Variants in IMMP2L observed in about 807,000 individuals in gnomAD.
IMMP2L encodes the protein mitochondrial inner membrane protease subunit 2.
Under a neutral mutation model 19.3 loss-of-function variants are expected in IMMP2L, and 18 were observed. The ratio of observed to expected loss-of-function variants is 0.93; its 90% CI spans 0.64 to 1.38. The LOEUF is 1.38. IMMP2L is among the 40% of genes most tolerant of loss of function. IMMP2L has a pLI of 0.00. For synonymous variants in IMMP2L, 76 were observed against 73.0 expected (o/e 1.04, Z -0.21); for missense variants, 233 against 218.2 (o/e 1.07, Z -0.43).
At chr7:110,747,796 T>G (rs1797454878) in intron 5 of IMMP2L, among the ~76,000 whole-genome samples, 1 of 152,188 alleles carries the variant, frequency 6.6e-6, no homozygotes, top group South Asian at 2.1e-4. Context: ...AATATCATAC[T>G]GAATGGGCAA....
At chr7:111,445,337 A>T (rs1367973694) in intron 3 of IMMP2L, among the ~76,000 whole-genome samples, 1 of 152,014 alleles carries the variant, frequency 6.6e-6, no homozygotes, top group Non-Finnish European at 1.5e-5. Flanking sequence ...AAGTCAGAAA[A>T]CATCTTACCA....
chr7:111,276,084 G>A (rs1819013819), intron 3 of IMMP2L, among the ~76,000 whole-genome samples: 1 of 151,928 alleles, frequency 6.6e-6, no homozygotes, highest in Non-Finnish European at 1.5e-5. Flanking sequence ...CTGTGGGTTT[G>A]TCTTATATTT....
At chr7:111,214,576 C>T (rs1811727836) in intron 3 of IMMP2L, among the ~76,000 whole-genome samples, 1 of 136,352 alleles carries the variant, frequency 7.3e-6, no homozygotes, top group Non-Finnish European at 1.6e-5. Context: ...TGGTCTCAAA[C>T]TTCTGACCTC....
chr7:111,031,330 T>C (rs1451294669), intron 3 of IMMP2L, among the ~76,000 whole-genome samples: 2 of 150,870 alleles, frequency 1.3e-5, no homozygotes, highest in African/African-American at 4.9e-5. Flanking sequence ...ACAGGAAATA[T>C]AAAAAGTGAG....
chr7:111,124,269 T>C, intron 3 of IMMP2L: 3 of 1,614,032 alleles, frequency 1.9e-6, no homozygotes, highest in Non-Finnish European at 1.7e-6. Flanking sequence ...GTATAGCAAC[T>C]AACCTAGTTG....
At chr7:111,539,214 GAAAGAAAGAAAGAAAGAA>G (rs1563331019) in intron 1 of IMMP2L, among the ~76,000 whole-genome samples, 23 of 94,940 alleles carry the variant, frequency 2.4e-4, no homozygotes, top group African/African-American at 9.5e-4. Context: ...AAGAAAGAAA[GAAAGAAAGAAAGAAAGAA>G]AGAAAGAAAG....
chr7:111,521,533 GA>G, intron 1 of IMMP2L, 84 bp from the exon 2 acceptor site: 1 of 1,268,438 alleles, frequency 7.9e-7, no homozygotes, highest in East Asian at 2.4e-5. Context: ...TGAAAAGTAA[GA>G]GTTACCGAAG....
rs575027954 is a variant in IMMP2L, at chr7:111,277,985, G to A, written c.239+209253C>T. ...TATCCTTAGTGAAATAACTTAGAAA[G>A]TCAAATACCACATGTTCTCACTTAT... is the stretch of plus-strand genomic sequence containing the variant. On this transcript the variant is annotated intron_variant, in intron 3 of 5. Transcript: ENST00000405709. 9.2e-5 allele frequency among the ~76,000 whole-genome samples: 14 copies of A among 152,206 alleles called. No individual in the cohort carries two copies. In the South Asian group the frequency reaches 2.9e-3, roughly 32 times the overall value.
chr7:111,337,449 G>C (rs921000712), intron 3 of IMMP2L, among the ~76,000 whole-genome samples: 2 of 135,548 alleles, frequency 1.5e-5, no homozygotes, highest in African/African-American at 5.7e-5. Context: ...TATTTGGATG[G>C]AAGGATGGAT....
intron 1 of IMMP2L, 92 bp from the exon 2 acceptor site, chr7:111,521,541 G>T: frequency 8.9e-7 from 1 of 1,120,946 alleles, no homozygotes; most frequent in Non-Finnish European, 1.3e-6. Context: ...AAGAGTTACC[G>T]AAGGGCAATC....
intron 3 of IMMP2L, among the ~76,000 whole-genome samples, chr7:111,183,814 A>G (rs1180146206): frequency 3.3e-5 from 5 of 152,144 alleles, no homozygotes; most frequent in East Asian, 1.9e-4. Context: ...AATATCTGAC[A>G]TAAAACAAAA....
intron 4 of IMMP2L, among the ~76,000 whole-genome samples, chr7:110,904,113 T>C (rs540601429): frequency 6.6e-6 from 1 of 152,282 alleles, no homozygotes; most frequent in African/African-American, 2.4e-5. Flanking sequence ...GTTCCTTACA[T>C]ATTTTAGAGA....
chr7:111,409,587 C>A (rs868214248), intron 3 of IMMP2L, among the ~76,000 whole-genome samples: 19 of 151,576 alleles, frequency 1.3e-4, no homozygotes, highest in Admixed American at 4.6e-4. Flanking sequence ...ATCAGTATAA[C>A]CTTGGTTAAA....
At chr7:110,910,869 C>T (rs995151570) in intron 4 of IMMP2L, among the ~76,000 whole-genome samples, 2 of 152,116 alleles carry the variant, frequency 1.3e-5, no homozygotes, top group African/African-American at 4.8e-5. Flanking sequence ...TTATGCCCAG[C>T]CATCGGGGAA....
Position 111,428,073 on chromosome 7 carries a change from T to A in IMMP2L, c.239+59165A>T, listed in dbSNP as rs1170838086. 3.9e-5 allele frequency among the ~76,000 whole-genome samples: 6 copies of A among 152,010 alleles called. No homozygotes were observed. The East Asian group carries it at 1.2e-3, about 29-fold the overall frequency. On this transcript the variant is annotated intron_variant, in intron 3 of 5. Transcript: ENST00000405709. ...CAACACACTCATGCTGTACACCTCATTGGCTCAGTCCTGTCAGCAGATTGA... is the reference window on the plus strand; with the variant it reads ...CAACACACTCATGCTGTACACCTCAATGGCTCAGTCCTGTCAGCAGATTGA...
At chr7:111,251,293 T>G (rs1323061505) in intron 3 of IMMP2L, among the ~76,000 whole-genome samples, 2 of 152,142 alleles carry the variant, frequency 1.3e-5, no homozygotes, top group Non-Finnish European at 2.9e-5. Context: ...ACACTGTTTA[T>G]GGGGGTGTAA....
chr7:111,178,306 T>TA (rs565362281), intron 3 of IMMP2L, among the ~76,000 whole-genome samples: 136 of 152,182 alleles, frequency 8.9e-4, no homozygotes, highest in Middle Eastern at 3.4e-3. Context: ...ACTCTGTTGC[T>TA]AAAAAAATGC....
At chr7:111,467,288 T>C (rs1460003478) in intron 3 of IMMP2L, among the ~76,000 whole-genome samples, 5 of 152,194 alleles carry the variant, frequency 3.3e-5, no homozygotes, top group Admixed American at 6.5e-5. Context: ...AGGTAATATA[T>C]GTAAAGTATT....
chr7:110,991,007 T>A (rs1822392650), intron 3 of IMMP2L, among the ~76,000 whole-genome samples: 1 of 152,318 alleles, frequency 6.6e-6, no homozygotes, highest in South Asian at 2.1e-4. Context: ...CATGCAATAA[T>A]ATGAAAATGT....
Sources: allele counts gnomAD v4.1 joint callset (sites outside exome capture counted in the v4.1 genomes callset), GRCh38; gene constraint gnomAD v4.1.1; transcripts MANE v1.5; gene names NCBI Gene and HGNC (gene_info 2026-07-23, HGNC 2026-07-21).